APOOL: variants seen among roughly 807,000 people sequenced by gnomAD.
APOOL encodes the protein MICOS complex subunit MIC27.
A neutral mutation model predicts 23.1 loss-of-function variants in APOOL; 12 were observed. The ratio of observed to expected loss-of-function variants is 0.52; its 90% CI spans 0.33 to 0.84. The LOEUF is 0.84. APOOL is among the 40% of genes least tolerant of loss of function. APOOL has a pLI of 0.02. For missense variants in APOOL, 212 were observed against 199.6 expected (o/e 1.06, Z -0.37); for synonymous variants, 77 against 69.9 (o/e 1.10, Z -0.51).
chrX:85,059,501 A>C (rs1923108260), intron 5 of APOOL, among the ~76,000 whole-genome samples: 1 of 109,869 alleles, frequency 9.1e-6, no homozygotes, highest in Non-Finnish European at 1.9e-5. Context: ...CCAACAGTGT[A>C]AAAGTGTTCC....
intron 1 of APOOL, among the ~76,000 whole-genome samples, chrX:85,016,719 T>G (rs1166183513): frequency 8.9e-6 from 1 of 111,925 alleles, no homozygotes; most frequent in Non-Finnish European, 1.9e-5. Flanking sequence ...GCTGCCTGCC[T>G]GTTGGGGTAT....
chrX:85,004,067 A>G (rs761782762), intron 1 of APOOL, 140 bp downstream of exon 1: 77 of 786,537 alleles, frequency 9.8e-5, no homozygotes, highest in Non-Finnish European at 1.3e-4. Flanking sequence ...TGCAATCTTT[A>G]TCGTTTGAAG....
At chrX:85,004,071 T>G in intron 1 of APOOL, 144 bp downstream of exon 1, 2 of 761,470 alleles carry the variant, frequency 2.6e-6, no homozygotes, top group Non-Finnish European at 4.0e-6. Context: ...ATCTTTATCG[T>G]TTGAAGCCTC....
intron 1 of APOOL, among the ~76,000 whole-genome samples, chrX:85,006,442 C>T (rs773376399): frequency 7.2e-5 from 8 of 110,433 alleles, no homozygotes; most frequent in African/African-American, 2.6e-4. Context: ...TTCCACTCCT[C>T]CTTGCTTCCT....
intron 1 of APOOL, among the ~76,000 whole-genome samples, chrX:85,022,436 C>T (rs1249104727): frequency 9.0e-6 from 1 of 111,646 alleles, no homozygotes; most frequent in Admixed American, 9.5e-5. Context: ...TCAAAATATG[C>T]AGATCAATAA....
At chrX:85,080,944 G>A (rs1924071426) in intron 8 of APOOL, among the ~76,000 whole-genome samples, 2 of 110,352 alleles carry the variant, frequency 1.8e-5, no homozygotes, top group African/African-American at 3.3e-5. Context: ...CCATCTGCTT[G>A]TTAGATCTTC....
intron 2 of APOOL, among the ~76,000 whole-genome samples, chrX:85,047,539 T>G (rs2147644932): frequency 9.0e-6 from 1 of 111,475 alleles, no homozygotes; most frequent in South Asian, 3.8e-4. Context: ...ATAAGCAGCC[T>G]TTGACCATGA....
intron 8 of APOOL, among the ~76,000 whole-genome samples, chrX:85,081,741 T>C (rs936046190): frequency 5.4e-5 from 6 of 111,985 alleles, no homozygotes; most frequent in Middle Eastern, 4.6e-3. Context: ...AAACGTAGAT[T>C]TGGTCTTTTC....
At chrX:85,008,205 G>A (rs1386984767) in intron 1 of APOOL, among the ~76,000 whole-genome samples, 1 of 111,037 alleles carries the variant, frequency 9.0e-6, no homozygotes, top group Non-Finnish European at 1.9e-5. Flanking sequence ...CATATATTTT[G>A]TGGAATGATT....
intron 8 of APOOL, among the ~76,000 whole-genome samples, chrX:85,075,683 G>A (rs1380038848): frequency 9.0e-6 from 1 of 111,442 alleles, no homozygotes; most frequent in African/African-American, 3.3e-5. Context: ...TTATGAAGAT[G>A]AAACATACTA....
chrX:85,079,783 C>A (rs58615930), intron 8 of APOOL, among the ~76,000 whole-genome samples: 1 of 111,287 alleles, frequency 9.0e-6, no homozygotes, highest in African/African-American at 3.3e-5. Context: ...TTATTGGTCT[C>A]TTCAGAGATT....
At chrX:85,038,064 C>T (rs192913044) in intron 1 of APOOL, among the ~76,000 whole-genome samples, 7 of 111,569 alleles carry the variant, frequency 6.3e-5, no homozygotes, top group Admixed American at 1.9e-4. Context: ...AGAAAATATT[C>T]GCAAACTATG....
intron 5 of APOOL, among the ~76,000 whole-genome samples, chrX:85,066,628 G>A (rs756105116): frequency 9.0e-6 from 1 of 111,103 alleles, no homozygotes; most frequent in East Asian, 2.8e-4. Context: ...TCAGTGACAT[G>A]AAGGAGTTAT....
intron 8 of APOOL, among the ~76,000 whole-genome samples, chrX:85,084,814 G>A (rs989898470): frequency 8.9e-6 from 1 of 111,939 alleles, no homozygotes; most frequent in African/African-American, 3.2e-5. Context: ...AATTAAGGAA[G>A]TATTTAGAAG....
intron 1 of APOOL, among the ~76,000 whole-genome samples, chrX:85,025,132 A>G (rs929211226): frequency 8.1e-5 from 9 of 111,574 alleles, no homozygotes; most frequent in African/African-American, 1.3e-4. Context: ...AGGAGCAGGC[A>G]TCTCCCATGA....
At chrX:85,060,629 C>T (rs1362900736) in intron 5 of APOOL, among the ~76,000 whole-genome samples, 1 of 111,124 alleles carries the variant, frequency 9.0e-6, no homozygotes, top group Non-Finnish European at 1.9e-5. Context: ...GTATTTTATT[C>T]TCTTTGTAGC....
rs754204373 is a variant in APOOL, at chrX:85,089,573, C to T, written c.*1895C>T. The T allele has an allele frequency of 1.8e-5, 2 of 111,639 alleles. No homozygotes were observed. The highest frequency in any genetic ancestry group is 3.8e-4 in the South Asian group (1 of 2,637). 9.2% of individuals were successfully genotyped at this position (111,639 alleles called of 1,213,427 possible). On this transcript the variant is annotated 3_prime_UTR_variant, in exon 9 of 9. Coordinates refer to ENST00000373173, the MANE Select transcript of APOOL (RefSeq NM_198450.6). ...AGTTTCATCCCTAGTCCTATTTTCT[C>T]ATTCTATATGCACACTCATTTTTCA...
At position 85,089,696 on chromosome X, in the gene APOOL, C is replaced by G. The variant is rs768046573; in HGVS notation, c.*2018C>G. The stretch of plus-strand genomic sequence containing the variant: ...TGCTGTAGACCTTTATTTCTACTTA[C>G]TAGTTATATTCACCTAACATCCCAT... On this transcript the variant is annotated 3_prime_UTR_variant, in exon 9 of 9. Coordinates refer to ENST00000373173, the MANE Select transcript of APOOL (RefSeq NM_198450.6). 1 of 111,324 alleles carries G rather than the reference C, an allele frequency of 9.0e-6. No individual in the cohort carries two copies. The highest frequency in any genetic ancestry group is 9.6e-5 in the Admixed American group (1 of 10,419). The allele number at this position is 111,324 out of a possible 1,213,427, so 9.2% of individuals were successfully genotyped here. A position where few individuals can be genotyped will look rare whatever the true frequency, so the allele number is the denominator to read the frequency against.
At chrX:85,015,500 T>C (rs1440494950) in intron 1 of APOOL, among the ~76,000 whole-genome samples, 2 of 110,405 alleles carry the variant, frequency 1.8e-5, no homozygotes, top group Non-Finnish European at 3.8e-5. Flanking sequence ...ACTTCTTTTT[T>C]ATTTTAAATT....
Sources: allele counts gnomAD v4.1 joint callset (sites outside exome capture counted in the v4.1 genomes callset), GRCh38; gene constraint gnomAD v4.1.1; transcripts MANE v1.5; gene names NCBI Gene and HGNC (gene_info 2026-07-23, HGNC 2026-07-21).